ATL2: variants seen among roughly 807,000 people sequenced by gnomAD.
The protein encoded by ATL2 is atlastin GTPase 2, also known as atlastin-2.
A neutral mutation model predicts 73.9 loss-of-function variants in ATL2; 31 were observed. That is an observed-to-expected ratio of 0.42 (90% CI 0.32 to 0.57). The LOEUF (loss-of-function observed/expected upper bound fraction) is 0.57. Ranked by LOEUF, ATL2 falls within the 20% of genes least tolerant of loss-of-function variation. The probability of loss-of-function intolerance (pLI) is 0.14; values close to 1 mark genes in which losing one functional copy is unlikely to be tolerated. For missense variants in ATL2, 738 were observed against 702.6 expected (o/e 1.05, Z -0.57); for synonymous variants, 291 against 237.5 (o/e 1.23, Z -2.07).
At chr2:38,333,544 A>C (rs1008732410) in intron 2 of ATL2, among the ~76,000 whole-genome samples, 3 of 152,226 alleles carry the variant, frequency 2.0e-5, no homozygotes, top group Admixed American at 2.0e-4. Context: ...AAATAGCCTA[A>C]ATAAAACCAG....
chr2:38,335,218 CCT>C (rs913548588), intron 2 of ATL2, among the ~76,000 whole-genome samples: 3 of 151,798 alleles, frequency 2.0e-5, no homozygotes, highest in African/African-American at 4.8e-5. Context: ...GGTATTTCCC[CCT>C]GTGACCCAGC....
chr2:38,320,565 G>T (rs927597186), intron 2 of ATL2, among the ~76,000 whole-genome samples: 3 of 152,024 alleles, frequency 2.0e-5, no homozygotes, highest in African/African-American at 7.3e-5. Flanking sequence ...TAACATATAA[G>T]GTAATTTTTC....
intron 9 of ATL2, among the ~76,000 whole-genome samples, chr2:38,304,518 G>A (rs1487732614): frequency 2.6e-5 from 4 of 152,182 alleles, no homozygotes; most frequent in African/African-American, 9.7e-5. Context: ...TAATTGTGGT[G>A]TGTAAACAAC....
chr2:38,297,006 T>C (rs1039638399), intron 12 of ATL2, among the ~76,000 whole-genome samples: 17 of 152,204 alleles, frequency 1.1e-4, no homozygotes, highest in African/African-American at 4.1e-4. Flanking sequence ...TAGCTTTGCA[T>C]CCATCTTCTA....
intron 1 of ATL2, among the ~76,000 whole-genome samples, chr2:38,371,279 G>C (rs1671675168): frequency 6.6e-6 from 1 of 151,546 alleles, no homozygotes; most frequent in Non-Finnish European, 1.5e-5. Flanking sequence ...GGCAGAGATG[G>C]AAGGATCACT....
chr2:38,361,871 G>A (rs571754143), intron 1 of ATL2, among the ~76,000 whole-genome samples: 5 of 152,162 alleles, frequency 3.3e-5, no homozygotes, highest in Admixed American at 2.0e-4. Flanking sequence ...GATCTTCGAA[G>A]ATGTTTTTTT....
At chr2:38,323,695 GTT>G in intron 2 of ATL2, among the ~76,000 whole-genome samples, 1 of 152,228 alleles carries the variant, frequency 6.6e-6, no homozygotes, top group South Asian at 2.1e-4. Context: ...TATTTAGTTA[GTT>G]AGACAGAGAG....
intron 4 of ATL2, among the ~76,000 whole-genome samples, chr2:38,316,526 C>T (rs981884814): frequency 5.3e-5 from 8 of 152,084 alleles, no homozygotes; most frequent in African/African-American, 1.7e-4. Context: ...TATCATTTAT[C>T]TATCAGCCAG....
rs1671964210 is a variant in ATL2, at chr2:38,376,326, CTGG to C, written c.118+814_118+816del. On this transcript the variant is annotated intron_variant, in intron 1 of 12. Coordinates refer to ENST00000378954, the MANE Select transcript of ATL2 (RefSeq NM_001135673.4). Reference sequence around the variant, plus strand: ...CGTCTTCGAGGGGGCAGGGGCGCTCCTGGTACACGTACAGTAGGAGCTCACATT... The same window carrying C: ...CGTCTTCGAGGGGGCAGGGGCGCTCCTACACGTACAGTAGGAGCTCACATT... 2.4e-5 allele frequency: 28 copies of C among 1,167,380 alleles called. No individual in the cohort carries two copies. In the African/African-American group the frequency reaches 4.3e-4, roughly 18 times the overall value. The allele number at this position is 1,167,380 out of a possible 1,614,324, so 72.3% of individuals were successfully genotyped here.
At chr2:38,335,952 G>A (rs1316268772) in intron 2 of ATL2, among the ~76,000 whole-genome samples, 2 of 152,170 alleles carry the variant, frequency 1.3e-5, no homozygotes, top group African/African-American at 4.8e-5. Flanking sequence ...GTGTGAACGT[G>A]GGAGGCGGAG....
intron 1 of ATL2, among the ~76,000 whole-genome samples, chr2:38,362,259 G>A (rs553199688): frequency 6.6e-6 from 1 of 152,132 alleles, no homozygotes; most frequent in Admixed American, 6.6e-5. Flanking sequence ...GAAAAAACTA[G>A]AGCAACCAAA....
intron 5 of ATL2, among the ~76,000 whole-genome samples, chr2:38,315,018 G>A (rs1004132479): frequency 4.6e-5 from 7 of 152,326 alleles, no homozygotes; most frequent in East Asian, 3.9e-4. Context: ...TTGGGAGGCC[G>A]AGGCGGGCGG....
In ATL2 at chr2:38,299,079, A is replaced by T. The variant is rs142472377; in HGVS notation, c.1200+177T>A. Among the ~76,000 whole-genome samples, 108 of 152,330 alleles carry T rather than the reference A, an allele frequency of 7.1e-4. 1 individual carries two copies. Among genetic ancestry groups the T allele is most frequent in the African/African-American group, 2.5e-3 (105 of 41,586 alleles). ...ACTAACTCAAATTCTGCTCTCAAAT[A>T]ATGTGAATTATTTTCTTATAGTTTA... On this transcript the variant is annotated intron_variant, in intron 11 of 12. Transcript: ENST00000378954.
chr2:38,369,207 T>C (rs987136471), intron 1 of ATL2, among the ~76,000 whole-genome samples: 2 of 152,088 alleles, frequency 1.3e-5, no homozygotes, highest in Non-Finnish European at 2.9e-5. Flanking sequence ...CCCAGCACTT[T>C]GGGAGGCCAA....
At chr2:38,328,078 G>A (rs1332374112) in intron 2 of ATL2, among the ~76,000 whole-genome samples, 1 of 152,108 alleles carries the variant, frequency 6.6e-6, no homozygotes, top group Non-Finnish European at 1.5e-5. Context: ...CTAATCAAAA[G>A]AAAGCTAGAG....
chr2:38,296,379 G>T, intron 12 of ATL2: 1 of 1,509,962 alleles, frequency 6.6e-7, no homozygotes, highest in African/African-American at 1.4e-5. Flanking sequence ...ATCAAATCTG[G>T]TATGTATACA....
chr2:38,373,136 C>A (rs368603067), intron 1 of ATL2, among the ~76,000 whole-genome samples: 2 of 152,268 alleles, frequency 1.3e-5, no homozygotes, highest in South Asian at 4.1e-4. Context: ...ATGAGGGCTC[C>A]AGGCTCTGAG....
intron 2 of ATL2, among the ~76,000 whole-genome samples, chr2:38,321,106 G>T (rs1668297132): frequency 6.6e-6 from 1 of 152,176 alleles, no homozygotes; most frequent in Non-Finnish European, 1.5e-5. Context: ...GTGGGAGGTG[G>T]AGGTTGCAGT....
intron 1 of ATL2, among the ~76,000 whole-genome samples, chr2:38,353,663 T>A (rs758166498): frequency 2.6e-5 from 4 of 152,094 alleles, no homozygotes; most frequent in Non-Finnish European, 4.4e-5. Context: ...AAACCAAAGA[T>A]AACAGGACAC....
Sources: allele counts gnomAD v4.1 joint callset (sites outside exome capture counted in the v4.1 genomes callset), GRCh38; gene constraint gnomAD v4.1.1; transcripts MANE v1.5; gene names NCBI Gene and HGNC (gene_info 2026-07-23, HGNC 2026-07-21).